SGCZ: variants seen among roughly 807,000 people sequenced by gnomAD.
SGCZ encodes sarcoglycan zeta, also known as zeta-sarcoglycan.
A neutral mutation model predicts 41.3 loss-of-function variants in SGCZ; 40 were observed. The ratio of observed to expected loss-of-function variants is 0.97; its 90% CI spans 0.75 to 1.26. The LOEUF is 1.26. Ranked by LOEUF, SGCZ falls within the 50% of genes most tolerant of loss-of-function variation. The probability of loss-of-function intolerance (pLI) is 0.00; values close to 1 mark genes in which losing one functional copy is unlikely to be tolerated. For synonymous variants in SGCZ, 206 were observed against 137.5 expected (o/e 1.50, Z -3.49); for missense variants, 552 against 369.8 (o/e 1.49, Z -4.04).
At chr8:15,034,098 C>A (rs1803785423) in intron 1 of SGCZ, among the ~76,000 whole-genome samples, 1 of 152,116 alleles carries the variant, frequency 6.6e-6, no homozygotes, top group Non-Finnish European at 1.5e-5. Flanking sequence ...CCACAATAAT[C>A]TTTGAGTAGC....
intron 3 of SGCZ, among the ~76,000 whole-genome samples, chr8:14,270,082 G>C (rs747813371): frequency 7.2e-5 from 11 of 151,852 alleles, no homozygotes; most frequent in Non-Finnish European, 1.5e-4. Flanking sequence ...CTATAATCCC[G>C]GCACTTTGGG....
chr8:14,119,046 C>T (rs1403989924), intron 5 of SGCZ, among the ~76,000 whole-genome samples: 3 of 152,056 alleles, frequency 2.0e-5, no homozygotes, highest in African/African-American at 7.2e-5. Context: ...GCTACGTGGG[C>T]TCTTTTTTGG....
At chr8:14,402,337 G>C (rs916660259) in intron 2 of SGCZ, among the ~76,000 whole-genome samples, 2 of 151,438 alleles carry the variant, frequency 1.3e-5, no homozygotes, top group African/African-American at 4.9e-5. Context: ...CATTGCTTTT[G>C]GTGTTTTAGA....
In SGCZ at chr8:15,054,723, G is replaced by C. The variant is rs111745208; in HGVS notation, c.39+182862C>G. Among the ~76,000 whole-genome samples, 800 of 152,120 alleles carry C rather than the reference G, an allele frequency of 5.3e-3. 7 individuals carry two copies. Among genetic ancestry groups the C allele is most frequent in the African/African-American group, 0.018 (760 of 41,498 alleles). ...CAATCCCAGCACTTTAGGAGGCTGA[G>C]GCGGGCAGACCACGAGGTCAGGAGA... On this transcript the variant is annotated intron_variant, in intron 1 of 7. Coordinates refer to ENST00000382080, the MANE Select transcript of SGCZ (RefSeq NM_139167.4).
At chr8:14,681,948 TAATA>T (rs1291844746) in intron 1 of SGCZ, among the ~76,000 whole-genome samples, 7 of 151,960 alleles carry the variant, frequency 4.6e-5, no homozygotes, top group Admixed American at 2.6e-4. Flanking sequence ...TTAATATTAA[TAATA>T]AATAATCCAT....
chr8:15,060,002 A>T (rs1804858678), intron 1 of SGCZ, among the ~76,000 whole-genome samples: 1 of 152,194 alleles, frequency 6.6e-6, no homozygotes, highest in Non-Finnish European at 1.5e-5. Flanking sequence ...AAGCCCTGAC[A>T]TCTCTATACT....
At chr8:14,303,551 C>T (rs1482773034) in intron 3 of SGCZ, among the ~76,000 whole-genome samples, 1 of 152,074 alleles carries the variant, frequency 6.6e-6, no homozygotes, top group Non-Finnish European at 1.5e-5. Flanking sequence ...AACAATATGT[C>T]AGTGGATTCT....
intron 1 of SGCZ, among the ~76,000 whole-genome samples, chr8:14,648,575 G>A (rs888044229): frequency 6.6e-6 from 1 of 151,962 alleles, no homozygotes; most frequent in African/African-American, 2.4e-5. Flanking sequence ...ATGCAGCACT[G>A]GGAAATGTTT....
intron 3 of SGCZ, among the ~76,000 whole-genome samples, chr8:14,264,855 C>T (rs1302921190): frequency 1.3e-5 from 2 of 151,940 alleles, no homozygotes; most frequent in Admixed American, 6.6e-5. Flanking sequence ...CCCAGCTACT[C>T]GGGAGGCTGA....
chr8:14,702,069 G>C (rs746444405), intron 1 of SGCZ, among the ~76,000 whole-genome samples: 4 of 151,724 alleles, frequency 2.6e-5, no homozygotes, highest in Non-Finnish European at 4.4e-5. Context: ...TTAGGTTCTT[G>C]CCTTCCTCAC....
intron 1 of SGCZ, among the ~76,000 whole-genome samples, chr8:14,659,031 T>C (rs970104415): frequency 3.3e-5 from 5 of 152,182 alleles, no homozygotes; most frequent in Non-Finnish European, 5.9e-5. Flanking sequence ...AAAAAAACTA[T>C]GAGCTCAATC....
intron 1 of SGCZ, among the ~76,000 whole-genome samples, chr8:15,200,228 C>T (rs1437552242): frequency 1.3e-5 from 2 of 152,182 alleles, no homozygotes; most frequent in Admixed American, 6.5e-5. Context: ...TAGCTTTGGA[C>T]TCATTAAAGC....
chr8:14,895,051 G>A (rs1805143410), intron 1 of SGCZ, among the ~76,000 whole-genome samples: 1 of 152,136 alleles, frequency 6.6e-6, no homozygotes, highest in South Asian at 2.1e-4. Flanking sequence ...GTTGTATTAG[G>A]AATAACATGA....
At chr8:14,516,942 T>G (rs1802639531) in intron 2 of SGCZ, among the ~76,000 whole-genome samples, 1 of 151,890 alleles carries the variant, frequency 6.6e-6, no homozygotes, top group Non-Finnish European at 1.5e-5. Flanking sequence ...CTTGGAGGAT[T>G]TGTTAATTGC....
chr8:14,182,078 G>A (rs182597732), intron 4 of SGCZ, among the ~76,000 whole-genome samples: 1 of 152,238 alleles, frequency 6.6e-6, no homozygotes, highest in Admixed American at 6.5e-5. Context: ...TACTGTATAT[G>A]TGGCCTGTAC....
intron 1 of SGCZ, among the ~76,000 whole-genome samples, chr8:14,871,869 T>C (rs985448824): frequency 2.7e-5 from 4 of 149,420 alleles, no homozygotes; most frequent in African/African-American, 7.5e-5. Context: ...TATGTATATA[T>C]ATGTATGTAT....
At chr8:14,613,860 G>A (rs1423942562) in intron 1 of SGCZ, among the ~76,000 whole-genome samples, 1 of 152,014 alleles carries the variant, frequency 6.6e-6, no homozygotes, top group African/African-American at 2.4e-5. Flanking sequence ...TCTACATGCT[G>A]TCAATTGAGG....
chr8:14,295,104 A>T (rs1800965840), intron 3 of SGCZ, among the ~76,000 whole-genome samples: 1 of 152,192 alleles, frequency 6.6e-6, no homozygotes, highest in Admixed American at 6.5e-5. Context: ...ATTAATATGA[A>T]AACTTATGTC....
chr8:14,255,945 C>G (rs986898172), intron 3 of SGCZ, among the ~76,000 whole-genome samples: 1 of 152,010 alleles, frequency 6.6e-6, no homozygotes, highest in Admixed American at 6.6e-5. Flanking sequence ...TAATCAGAAA[C>G]CAACAAAACT....
Sources: allele counts gnomAD v4.1 joint callset (sites outside exome capture counted in the v4.1 genomes callset), GRCh38; gene constraint gnomAD v4.1.1; transcripts MANE v1.5; gene names NCBI Gene and HGNC (gene_info 2026-07-23, HGNC 2026-07-21).